Variants in PCDHGA12 observed in about 807,000 individuals in gnomAD.
PCDHGA12 encodes protocadherin gamma subfamily A, 12.
PCDHGA12 carries 43 observed loss-of-function variants against 61.1 expected under a neutral mutation model. That is an observed-to-expected ratio of 0.70 (90% CI 0.55 to 0.91). The LOEUF is 0.91. Among genes scored for constraint, PCDHGA12 ranks in the 40% least tolerant of loss-of-function variants. The pLI is 0.00. For synonymous variants in PCDHGA12, 520 were observed against 542.9 expected, an observed-to-expected ratio of 0.96 and a Z score of 0.59; for missense variants, 1,236 against 1,227.7, an observed-to-expected ratio of 1.01 and a Z score of -0.10.
intron 1 of PCDHGA12, among the ~76,000 whole-genome samples, chr5:141,449,891 A>G (rs2098658520): frequency 6.6e-6 from 1 of 151,872 alleles, no homozygotes; most frequent in Non-Finnish European, 1.5e-5. Flanking sequence ...CAATATAATT[A>G]TTTAGCCTAT....
chr5:141,511,202 C>T lies in PCDHGA12; in HGVS notation c.*29C>T, dbSNP rs201024828. 2.0e-3 allele frequency: 3,296 copies of T among 1,612,132 alleles called. 7 individuals carry two copies. Among genetic ancestry groups the T allele is most frequent in the Middle Eastern group, 0.013 (77 of 6,006 alleles). On this transcript the variant is annotated 3_prime_UTR_variant, in exon 4 of 4. Coordinates refer to ENST00000252085, the MANE Select transcript of PCDHGA12 (RefSeq NM_003735.3). ...GGAGGCCAGGCCAAGAGCCACAGGG[C>T]GGCCTCTCCCCAACCAGCCCAGCTT...
At chr5:141,471,046 C>CT (rs1170588345) in intron 1 of PCDHGA12, among the ~76,000 whole-genome samples, 3,156 of 113,234 alleles carry the variant, frequency 0.028, 57 homozygotes, top group African/African-American at 0.046. Context: ...CCCAAGCCCT[C>CT]TTTTTTTTTT....
intron 1 of PCDHGA12, 58 bp from the exon 2 acceptor site, chr5:141,494,749 G>A (rs573811540): frequency 2.9e-5 from 47 of 1,612,698 alleles, no homozygotes; most frequent in Non-Finnish European, 3.6e-5. Flanking sequence ...CTAGGGGCTC[G>A]GGTGACATTC....
intron 1 of PCDHGA12, among the ~76,000 whole-genome samples, chr5:141,482,104 AAT>A (rs1452930297): frequency 2.7e-5 from 4 of 150,286 alleles, no homozygotes; most frequent in Non-Finnish European, 5.9e-5. Context: ...AAAAAAAAAA[AAT>A]ATCTAGAGAT....
At chr5:141,452,201 T>G (rs552947721) in intron 1 of PCDHGA12, among the ~76,000 whole-genome samples, 131 of 152,376 alleles carry the variant, frequency 8.6e-4, no homozygotes, top group Middle Eastern at 6.8e-3. Context: ...TTGTTTTAGA[T>G]GTTACCAATA....
At chr5:141,492,449 T>C (rs1045043841) in intron 1 of PCDHGA12, among the ~76,000 whole-genome samples, 50 of 152,314 alleles carry the variant, frequency 3.3e-4, no homozygotes, top group African/African-American at 1.2e-3. Flanking sequence ...TAGCTGATTG[T>C]GCGCGCCTGA....
chr5:141,501,290 T>C lies in PCDHGA12; in HGVS notation c.2484-4103T>C, dbSNP rs796726601. Among the ~76,000 whole-genome samples, 19 of 136,248 alleles carry C rather than the reference T, an allele frequency of 1.4e-4. No individual in the cohort carries two copies. The South Asian group carries it at 2.4e-3, about 17-fold the overall frequency. 89.4% of individuals were successfully genotyped at this position (136,248 alleles called of 152,430 possible). ...GTCCAGTCTATGGGATATTCCCTTA[T>C]ACACACACACACACACACACACACA... On this transcript the variant is annotated intron_variant, in intron 2 of 3. Coordinates refer to ENST00000252085, the MANE Select transcript of PCDHGA12 (RefSeq NM_003735.3).
At chr5:141,437,761 C>G (rs1200327020) in intron 1 of PCDHGA12, among the ~76,000 whole-genome samples, 3 of 144,682 alleles carry the variant, frequency 2.1e-5, no homozygotes, top group Admixed American at 7.0e-5. Flanking sequence ...TTTTTTGAGA[C>G]AGAGTCTCAA....
intron 1 of PCDHGA12, among the ~76,000 whole-genome samples, chr5:141,439,459 A>C (rs558086952): frequency 6.6e-6 from 1 of 152,222 alleles, no homozygotes. Flanking sequence ...GCAAGACTGC[A>C]CTGCTGCCTT....
chr5:141,431,584 G>A lies in PCDHGA12; in HGVS notation c.825G>A (p.Ala275=), dbSNP rs201462681. 7 of 1,614,074 alleles carry A rather than the reference G, an allele frequency of 4.3e-6. No homozygotes were observed. The African/African-American group carries it at 9.3e-5, about 22-fold the overall frequency. The change falls in exon 1 of 4, where the codon GCG becomes GCA. Residue 275 remains alanine, a synonymous_variant. Coordinates refer to ENST00000252085, the MANE Select transcript of PCDHGA12 (RefSeq NM_003735.3). The surrounding 1 kb of genome is among the most constrained non-coding windows in gnomAD (Gnocchi z 4.8). ...NATDPDEGVN[A]EVRYSFRYVD... is the part of the protein sequence containing the mutation. ...CCGACCCTGACGAAGGAGTCAATGC[G>A]GAAGTGAGGTATTCCTTCCGGTATG... is the stretch of plus-strand genomic sequence containing the variant.
intron 1 of PCDHGA12, among the ~76,000 whole-genome samples, chr5:141,458,557 G>A (rs1258900717): frequency 6.9e-6 from 1 of 143,954 alleles, no homozygotes; most frequent in Non-Finnish European, 1.5e-5. Context: ...TGTTTGTTTT[G>A]GTTTTGGGTT....
rs748828282 is a variant in PCDHGA12 at position 141,491,412 on chromosome 5, C to T, written c.2425-3395C>T. The T allele has an allele frequency of 3.1e-6, 5 of 1,613,944 alleles. No homozygotes were observed. The African/African-American group carries it at 5.3e-5, about 17-fold the overall frequency. Reference sequence around the variant, plus strand: ...GCCTTCAGGGAAACGCAGACGGGGACGGGGGTGGAGGGCAGTGCTGCAGGC... The same window carrying T: ...GCCTTCAGGGAAACGCAGACGGGGATGGGGGTGGAGGGCAGTGCTGCAGGC... On this transcript the variant is annotated intron_variant, in intron 1 of 3. Coordinates refer to ENST00000252085, the MANE Select transcript of PCDHGA12 (RefSeq NM_003735.3). The surrounding 1 kb of genome is among the most constrained non-coding windows in gnomAD (Gnocchi z 6.9).
At chr5:141,509,169 T>C (rs1321257504) in intron 3 of PCDHGA12, among the ~76,000 whole-genome samples, 2 of 152,174 alleles carry the variant, frequency 1.3e-5, no homozygotes, top group African/African-American at 4.8e-5. Context: ...TGTGCCCTCC[T>C]CCTCTTATGC....
chr5:141,494,643 AG>A, intron 1 of PCDHGA12, 163 bp from the exon 2 acceptor site: 1 of 928,048 alleles, frequency 1.1e-6, no homozygotes, highest in Non-Finnish European at 1.3e-6. Flanking sequence ...CTGAGACCTG[AG>A]GTGTATTTTG....
intron 1 of PCDHGA12, among the ~76,000 whole-genome samples, chr5:141,458,436 C>T (rs2098945707): frequency 6.6e-6 from 1 of 152,056 alleles, no homozygotes; most frequent in Non-Finnish European, 1.5e-5. Context: ...AAGAGGAGGT[C>T]CCCCACATTA....
At chr5:141,510,277 A>C (rs1242709133) in intron 3 of PCDHGA12, among the ~76,000 whole-genome samples, 5 of 151,916 alleles carry the variant, frequency 3.3e-5, no homozygotes, top group Admixed American at 2.6e-4. Flanking sequence ...CATCTTAAAA[A>C]AAAAAAAAAA....
chr5:141,436,095 GA>G (rs2097795730), intron 1 of PCDHGA12, among the ~76,000 whole-genome samples: 2 of 152,112 alleles, frequency 1.3e-5, no homozygotes, highest in Non-Finnish European at 2.9e-5. Context: ...AATATTGAGA[GA>G]AATAGAGGAC....
intron 1 of PCDHGA12, among the ~76,000 whole-genome samples, chr5:141,457,665 G>A (rs2098927092): frequency 6.6e-6 from 1 of 152,330 alleles, no homozygotes; most frequent in Non-Finnish European, 1.5e-5. Flanking sequence ...AGCAAGAATG[G>A]TTATTTCTAC....
chr5:141,444,722 C>T (rs72790051), intron 1 of PCDHGA12, among the ~76,000 whole-genome samples: 3,290 of 152,024 alleles, frequency 0.022, 51 homozygotes, highest in South Asian at 0.038. Flanking sequence ...TGCTTGGTGC[C>T]TTTGTTGAAA....
Sources: allele counts gnomAD v4.1 joint callset (sites outside exome capture counted in the v4.1 genomes callset), GRCh38; gene constraint gnomAD v4.1.1; non-coding constraint Gnocchi (gnomAD v3.1); transcripts MANE v1.5; gene names NCBI Gene and HGNC (gene_info 2026-07-23, HGNC 2026-07-21).